Variants in CSMD3 observed in about 807,000 individuals in gnomAD.
CSMD3 encodes CUB and Sushi multiple domains 3.
A neutral mutation model predicts 435.2 loss-of-function variants in CSMD3; 177 were observed. That is an observed-to-expected ratio of 0.41 (90% CI 0.36 to 0.46). The LOEUF (loss-of-function observed/expected upper bound fraction) is 0.46. Among genes scored for constraint, CSMD3 ranks in the 20% least tolerant of loss-of-function variants. The pLI is 0.34. For synonymous variants in CSMD3, 1,656 were observed against 1,520.5 expected (o/e 1.09, Z -2.07); for missense variants, 4,265 against 4,504.6 (o/e 0.95, Z 1.52).
intron 53 of CSMD3, among the ~76,000 whole-genome samples, chr8:112,298,964 A>G (rs1271683652): frequency 6.6e-6 from 1 of 152,140 alleles, no homozygotes; most frequent in Non-Finnish European, 1.5e-5. Context: ...GACATAGCCC[A>G]TGTATCCATC....
chr8:113,214,861 G>T (rs570173390), intron 3 of CSMD3, among the ~76,000 whole-genome samples: 65 of 151,820 alleles, frequency 4.3e-4, no homozygotes, highest in Non-Finnish European at 8.7e-4. Context: ...TTAAATATAT[G>T]GTGTTTCAGG....
chr8:112,642,945 T>A (rs2074874840), intron 20 of CSMD3, among the ~76,000 whole-genome samples: 1 of 152,168 alleles, frequency 6.6e-6, no homozygotes, highest in South Asian at 2.1e-4. Flanking sequence ...GAAAACCACA[T>A]TTTAAAGAGA....
chr8:112,520,664 T>C (rs188175792), intron 27 of CSMD3, among the ~76,000 whole-genome samples: 44 of 152,136 alleles, frequency 2.9e-4, no homozygotes, highest in African/African-American at 9.4e-4. Context: ...AGAGGCAAGG[T>C]TATATTTGTG....
chr8:113,275,065 T>C (rs986499418), intron 3 of CSMD3, among the ~76,000 whole-genome samples: 2 of 152,086 alleles, frequency 1.3e-5, no homozygotes, highest in African/African-American at 4.8e-5. Context: ...TATAAAGTAC[T>C]CTTTTAATCA....
intron 32 of CSMD3, among the ~76,000 whole-genome samples, chr8:112,446,760 G>A (rs1367109582): frequency 6.6e-6 from 1 of 152,054 alleles, no homozygotes; most frequent in Non-Finnish European, 1.5e-5. Flanking sequence ...AGGGTTTACT[G>A]GAGGCTTTTT....
At chr8:112,831,580 C>G (rs2079876721) in intron 11 of CSMD3, among the ~76,000 whole-genome samples, 1 of 146,126 alleles carries the variant, frequency 6.8e-6, no homozygotes, top group Non-Finnish European at 1.5e-5. Flanking sequence ...TCGCATTTTC[C>G]TTAATACTAA....
chr8:112,327,089 A>G (rs1481297093), intron 45 of CSMD3, among the ~76,000 whole-genome samples: 4 of 152,202 alleles, frequency 2.6e-5, no homozygotes, highest in African/African-American at 7.2e-5. Flanking sequence ...TGTACCTTAT[A>G]CTGTAGTATA....
At position 112,976,241 on chromosome 8, in the gene CSMD3, T is replaced by G. The variant is rs2084843858; in HGVS notation, c.1031-93A>C. ...TTTAATCAATCATATTCTCTTCTATTACCTTAAGGATAATCAACATGAAGA... is the reference window on the plus strand; with the variant it reads ...TTTAATCAATCATATTCTCTTCTATGACCTTAAGGATAATCAACATGAAGA... On this transcript the variant is annotated intron_variant, in intron 6 of 70. Transcript: ENST00000297405. 7 of 1,398,854 alleles carry G rather than the reference T, an allele frequency of 5.0e-6. No individual in the cohort carries two copies. In the African/African-American group the frequency reaches 1.0e-4, roughly 20 times the overall value. The allele number at this position is 1,398,854 out of a possible 1,614,324, so 86.7% of individuals were successfully genotyped here.
intron 4 of CSMD3, among the ~76,000 whole-genome samples, chr8:113,152,927 C>T (rs1282809775): frequency 6.6e-6 from 1 of 150,876 alleles, no homozygotes; most frequent in Non-Finnish European, 1.5e-5. Flanking sequence ...GCCGTGATTG[C>T]ACCACTGCAC....
At chr8:112,568,216 G>C (rs1316664445) in intron 24 of CSMD3, among the ~76,000 whole-genome samples, 1 of 152,136 alleles carries the variant, frequency 6.6e-6, no homozygotes, top group Non-Finnish European at 1.5e-5. Context: ...TTATTTGGGA[G>C]AAGAATATTT....
chr8:112,379,268 G>A (rs762601771), intron 38 of CSMD3, among the ~76,000 whole-genome samples: 1 of 152,110 alleles, frequency 6.6e-6, no homozygotes, highest in Admixed American at 6.6e-5. Flanking sequence ...TCAGGAGTTC[G>A]ATACCAGCCT....
intron 65 of CSMD3, among the ~76,000 whole-genome samples, chr8:112,242,519 C>G (rs2130078782): frequency 6.6e-6 from 1 of 152,054 alleles, no homozygotes; most frequent in East Asian, 1.9e-4. Context: ...AGAGATAATA[C>G]TGAGTTAGAG....
chr8:112,688,192 C>T (rs1278744668), intron 14 of CSMD3, among the ~76,000 whole-genome samples: 1 of 152,172 alleles, frequency 6.6e-6, no homozygotes, highest in Non-Finnish European at 1.5e-5. Context: ...TGTTTGCCAT[C>T]TCCTGATCTA....
intron 21 of CSMD3, 41 bp from the exon 22 acceptor site, chr8:112,637,046 G>T (rs2074681203): frequency 1.3e-6 from 2 of 1,504,720 alleles, no homozygotes; most frequent in African/African-American, 2.7e-5. Flanking sequence ...GGGGAGGAAA[G>T]GACAAAGAAA....
At position 112,311,059 on chromosome 8, in the gene CSMD3, G is replaced by A. The variant is rs2130813731; in HGVS notation, c.7804C>T (p.Leu2602Phe). The A allele has an allele frequency of 6.2e-7, 1 of 1,614,014 alleles. No individual in the cohort carries two copies. The highest frequency in any genetic ancestry group is 1.6e-4 in the Middle Eastern group (1 of 6,062). Reference sequence around the variant, plus strand: ...CACACAGCACTGCTTTTTCCAACAAGTCGGAATCCTCGATCACAGGCCCAA... The same window carrying A: ...CACACAGCACTGCTTTTTCCAACAAATCGGAATCCTCGATCACAGGCCCAA... ...VRWACDRGFR[L>F]VGKSSAVCRK... Residue 2602 changes from leucine to phenylalanine, a missense_variant, in exon 50 of 71, where the codon CTT becomes TTT. Coordinates refer to ENST00000297405, the MANE Select transcript of CSMD3 (RefSeq NM_198123.2).
At chr8:112,480,110 AAAG>A (rs1819491453) in intron 31 of CSMD3, among the ~76,000 whole-genome samples, 1 of 152,238 alleles carries the variant, frequency 6.6e-6, no homozygotes, top group Non-Finnish European at 1.5e-5. Context: ...ACATGGAGTG[AAAG>A]AAGATTATTT....
chr8:112,300,124 ATATTTTAATATAT>A (rs1586700806), intron 53 of CSMD3, among the ~76,000 whole-genome samples: 1 of 147,612 alleles, frequency 6.8e-6, no homozygotes, highest in East Asian at 1.9e-4. Context: ...TTTAAATATA[ATATTTTAATATAT>A]ATTTAAATAT....
chr8:112,295,705 TG>T, intron 54 of CSMD3, 127 bp downstream of exon 54: 1 of 778,818 alleles, frequency 1.3e-6, no homozygotes, highest in Non-Finnish European at 2.1e-6. Flanking sequence ...AGTATCAAAT[TG>T]GATTGTGGAA....
At chr8:112,833,955 A>G (rs1476042034) in intron 11 of CSMD3, among the ~76,000 whole-genome samples, 5 of 151,930 alleles carry the variant, frequency 3.3e-5, no homozygotes, top group African/African-American at 9.7e-5. Context: ...TATGACTTAA[A>G]AGTCTAATAG....
Sources: allele counts gnomAD v4.1 joint callset (sites outside exome capture counted in the v4.1 genomes callset), GRCh38; gene constraint gnomAD v4.1.1; transcripts MANE v1.5; gene names NCBI Gene and HGNC (gene_info 2026-07-23, HGNC 2026-07-21).